The following CHAF1A variants were observed in gnomAD, a reference collection of about 807,000 sequenced individuals.
CHAF1A encodes chromatin assembly factor 1 subunit A.
A neutral mutation model predicts 93.2 loss-of-function variants in CHAF1A; 5 were observed. The observed-to-expected ratio is 0.05, with a 90% CI of 0.03 to 0.11. The LOEUF (loss-of-function observed/expected upper bound fraction) is 0.11, where lower values mean the gene tolerates loss of function less well. Among genes scored for constraint, CHAF1A ranks in the 10% least tolerant of loss-of-function variants. CHAF1A has a pLI of 1.00. For synonymous variants in CHAF1A, 504 were observed against 510.3 expected (o/e 0.99, Z 0.17); for missense variants, 1,102 against 1,259.9 (o/e 0.87, Z 1.90).
At chr19:4,423,545 G>A (rs937496572) in intron 6 of CHAF1A, 150 bp downstream of exon 6, 73 of 1,385,588 alleles carry the variant, frequency 5.3e-5, no homozygotes, top group African/African-American at 2.0e-4. Context: ...GTCTAGATGC[G>A]TTCTTGTTGC....
chr19:4,406,011 C>G lies in CHAF1A; in HGVS notation c.103+49C>G, dbSNP rs368264342. 2.2e-4 allele frequency: 320 copies of G among 1,481,260 alleles called. 2 individuals carry two copies. Among genetic ancestry groups the G allele is most frequent in the Admixed American group, 8.2e-4 (49 of 59,676 alleles). 91.8% of individuals were successfully genotyped at this position (1,481,260 alleles called of 1,614,324 possible). A position where few individuals can be genotyped will look rare whatever the true frequency, so the allele number is the denominator to read the frequency against. On this transcript the variant is annotated intron_variant, in intron 2 of 14. Transcript: ENST00000301280. Reference sequence around the variant, plus strand: ...AGAGTTGTTCGTAGTTTATAGTCTTCCTTGTCTCTTGTTGGAGACCTCAGT... The same window carrying G: ...AGAGTTGTTCGTAGTTTATAGTCTTGCTTGTCTCTTGTTGGAGACCTCAGT...
chr19:4,438,850 C>T (rs1974334378), intron 13 of CHAF1A, among the ~76,000 whole-genome samples: 1 of 152,080 alleles, frequency 6.6e-6, no homozygotes, highest in Admixed American at 6.6e-5. Flanking sequence ...GGCGTGGTGG[C>T]GGCTGCCTGT....
intron 3 of CHAF1A, among the ~76,000 whole-genome samples, chr19:4,412,597 C>G (rs1250764511): frequency 2.6e-5 from 4 of 152,190 alleles, no homozygotes; most frequent in African/African-American, 9.6e-5. Flanking sequence ...AAGTTTGTTT[C>G]CATGTCCACA....
At chr19:4,435,087 C>CTTTTTTTTTTTTTTTT (rs869255408) in intron 13 of CHAF1A, among the ~76,000 whole-genome samples, 4 of 87,966 alleles carry the variant, frequency 4.5e-5, no homozygotes, top group Non-Finnish European at 6.1e-5. Context: ...CTTTTTTTTC[C>CTTTTTTTTTTTTTTTT]TTTTTTTTTT....
chr19:4,447,801 C>T, downstream of CHAF1A: 2 of 645,470 alleles, frequency 3.1e-6, no homozygotes, highest in East Asian at 2.8e-5. Context: ...ACACCTCGGA[C>T]ACCCCATGGA....
At chr19:4,426,878 G>A (rs1381782986) in intron 7 of CHAF1A, among the ~76,000 whole-genome samples, 13 of 152,012 alleles carry the variant, frequency 8.6e-5, no homozygotes, top group Admixed American at 8.5e-4. Flanking sequence ...ATCATCTGAG[G>A]TCAGGAGCTT....
chr19:4,406,163 G>A (rs243342), intron 2 of CHAF1A, among the ~76,000 whole-genome samples: 81,464 of 152,052 alleles, frequency 0.54, 22,254 homozygotes, highest in Admixed American at 0.71. Flanking sequence ...ACTTATGCAC[G>A]ATTGGTGTTT....
rs904758033 is a variant in CHAF1A, at chr19:4,404,767, A to G, written c.53-1145A>G. 1.1e-4 allele frequency among the ~76,000 whole-genome samples: 17 copies of G among 152,130 alleles called. 1 individual carries two copies. The highest frequency in any genetic ancestry group is 9.2e-4 in the Admixed American group (14 of 15,260). On this transcript the variant is annotated intron_variant, in intron 1 of 14. Transcript: ENST00000301280. ...CTCCTGGTAAGTGTGAGCTTCCTAA[A>G]CTTACTCTGTTTAAGGTATTTATCT...
intron 13 of CHAF1A, among the ~76,000 whole-genome samples, chr19:4,439,735 C>T (rs1271668570): frequency 6.6e-6 from 1 of 152,230 alleles, no homozygotes; most frequent in East Asian, 1.9e-4. Flanking sequence ...ACTATTCTTT[C>T]AAAAAGGTAG....
chr19:4,433,786 G>C lies in CHAF1A; in HGVS notation c.2673+247G>C, dbSNP rs1334536392. ...CTGGCTAATTTTTGTATTTTTAGTA[G>C]AGACGGGGTTTCACCATGTTGGTCA... On this transcript the variant is annotated intron_variant, in intron 13 of 14. Coordinates refer to ENST00000301280, the MANE Select transcript of CHAF1A (RefSeq NM_005483.3). The surrounding 1 kb of genome is among the most constrained non-coding windows in gnomAD (Gnocchi z 5.6). Among the ~76,000 whole-genome samples, 1 of 151,920 alleles carries C rather than the reference G, an allele frequency of 6.6e-6. No homozygotes were observed. Among genetic ancestry groups the C allele is most frequent in the East Asian group, 2.0e-4 (1 of 5,082 alleles).
In CHAF1A at chr19:4,409,512, C is replaced by A; in HGVS notation, c.713C>A (p.Pro238His). The change falls in exon 3 of 15, where the codon CCT becomes CAT. Residue 238 changes from proline (P) to histidine (H), a missense_variant. Pro to His is a moderately conservative substitution (Grantham distance 77, BLOSUM62 -2). Coordinates refer to ENST00000301280, the MANE Select transcript of CHAF1A (RefSeq NM_005483.3). ...AGGILFKGKV[P>H]MVVLQDILAV... ...GGCATCCTGTTCAAAGGGAAGGTGC[C>A]TATGGTGGTCTTGCAGGACATCTTG... 6.2e-7 allele frequency: 1 copy of A among 1,614,070 alleles called. No homozygotes were observed. Among genetic ancestry groups the A allele is most frequent in the African/African-American group, 1.3e-5 (1 of 75,004 alleles).
chr19:4,441,603 C>T (rs538257633), intron 13 of CHAF1A, among the ~76,000 whole-genome samples: 1 of 144,602 alleles, frequency 6.9e-6, no homozygotes, highest in African/African-American at 2.6e-5. Context: ...GTGAAACTCC[C>T]GTCTCAAAAA....
At chr19:4,443,980 T>TC (rs1974448234), downstream of CHAF1A, among the ~76,000 whole-genome samples, 1 of 152,106 alleles carries the variant, frequency 6.6e-6, no homozygotes, top group Non-Finnish European at 1.5e-5. Context: ...GTCAGCTACC[T>TC]CCATCCACCC....
chr19:4,447,001 GCT>G (rs1188627436), downstream of CHAF1A: 1 of 1,383,784 alleles, frequency 7.2e-7, no homozygotes, highest in Non-Finnish European at 1.0e-6. Context: ...CAGGGGCCCG[GCT>G]CTCGCTATTG....
chr19:4,407,462 G>GA (rs397772805), intron 2 of CHAF1A, among the ~76,000 whole-genome samples: 70 of 64,690 alleles, frequency 1.1e-3, no homozygotes, highest in Admixed American at 1.6e-3. Flanking sequence ...GAGGCCAGGA[G>GA]AAAAAAAAAA....
At position 4,422,578 on chromosome 19, in the gene CHAF1A, C is replaced by G; in HGVS notation, c.1030C>G (p.Leu344Val). The change falls in exon 5 of 15, where the codon CTG (leucine) becomes GTG (valine). Residue 344 changes from leucine (L) to valine (V), a missense_variant. Physicochemically the swap from Leu to Val is conservative, Grantham distance 32. This residue lies in a region of CHAF1A where 165 missense variants were observed against 243.9 expected (regional missense o/e 0.68). Coordinates refer to ENST00000301280, the MANE Select transcript of CHAF1A (RefSeq NM_005483.3). The surrounding 1 kb of genome is among the most constrained non-coding windows in gnomAD (Gnocchi z 4.6). Reference sequence around the variant, plus strand: ...CACTGTCTTGTAGGATCAGGAGCGTCTGGGCAAGCAGCTCAAGTTACGTGC... The same window carrying G: ...CACTGTCTTGTAGGATCAGGAGCGTGTGGGCAAGCAGCTCAAGTTACGTGC... Reference protein sequence around the residue: ...KLRLQRDQERLGKQLKLRAER... With the variant: ...KLRLQRDQERVGKQLKLRAER... 1 of 1,566,922 alleles carries G rather than the reference C, an allele frequency of 6.4e-7. No homozygotes were observed. Among genetic ancestry groups the G allele is most frequent in the Non-Finnish European group, 8.7e-7 (1 of 1,155,778 alleles).
Position 4,432,291 on chromosome 19 carries a change from G to A in CHAF1A, c.2203+84G>A, listed in dbSNP as rs1370907827. On this transcript the variant is annotated intron_variant, in intron 12 of 14. Transcript: ENST00000301280. ...TGAGGGCAAGAGTCACAGGCTAGTG[G>A]GTCCGTGATGCAAATGTTCTTTCCA... 73 of 1,422,548 alleles carry A rather than the reference G, an allele frequency of 5.1e-5. 1 individual carries two copies. Among genetic ancestry groups the A allele is most frequent in the Non-Finnish European group, 4.9e-5 (52 of 1,069,004 alleles). 88.1% of individuals were successfully genotyped at this position (1,422,548 alleles called of 1,614,324 possible). A position where few individuals can be genotyped will look rare whatever the true frequency, so the allele number is the denominator to read the frequency against.
chr19:4,442,903 C>T (rs374479468), intron 14 of CHAF1A, 22 bp from the exon 15 acceptor site: 181 of 1,534,712 alleles, frequency 1.2e-4, no homozygotes, highest in Middle Eastern at 2.3e-4. Flanking sequence ...CAGCTCAAGA[C>T]CCTCCCTCTC....
At chr19:4,446,072 G>C (rs376743195), downstream of CHAF1A, 2 of 1,612,594 alleles carry the variant, frequency 1.2e-6, no homozygotes, top group East Asian at 4.5e-5. Context: ...TTCAAGGCCA[G>C]GTTCTCGTCC....
Sources: gnomAD v4.1 joint callset for allele counts (sites outside exome capture counted in the v4.1 genomes callset) on GRCh38, gnomAD v4.1.1 for gene constraint, gnomAD v4.1.1 regional missense constraint, Gnocchi (gnomAD v3.1) non-coding constraint, MANE v1.5 for transcripts, NCBI Gene and HGNC (gene_info 2026-07-23, HGNC 2026-07-21) for gene names.